PAK5: variants seen among roughly 807,000 people sequenced by gnomAD.
PAK5 encodes the protein p21 (RAC1) activated kinase 5.
A neutral mutation model predicts 65.9 loss-of-function variants in PAK5; 16 were observed. The ratio of observed to expected loss-of-function variants is 0.24; its 90% CI spans 0.16 to 0.37. The LOEUF is 0.37. Among genes scored for constraint, PAK5 ranks in the 10% least tolerant of loss-of-function variants. The pLI is 1.00. For missense variants in PAK5, 785 were observed against 903.9 expected, an observed-to-expected ratio of 0.87 and a Z score of 1.69; for synonymous variants, 371 against 354.9, an observed-to-expected ratio of 1.05 and a Z score of -0.51.
chr20:9,731,047 A>G (rs1387653333), intron 1 of PAK5, among the ~76,000 whole-genome samples: 1 of 152,170 alleles, frequency 6.6e-6, no homozygotes, highest in African/African-American at 2.4e-5. Flanking sequence ...GTATGTAGGG[A>G]CTGGGGGCTT....
chr20:9,825,331 G>T (rs1481318375), intron 1 of PAK5, among the ~76,000 whole-genome samples: 1 of 152,092 alleles, frequency 6.6e-6, no homozygotes, highest in Non-Finnish European at 1.5e-5. Flanking sequence ...TTTTAGTAAG[G>T]TACAGTGATA....
At position 9,537,890 on chromosome 20, in the gene PAK5, T is replaced by C. The variant is rs1486230392; in HGVS notation, c.*1572A>G. 1.3e-5 allele frequency: 3 copies of C among 229,186 alleles called. No individual in the cohort carries two copies. Among genetic ancestry groups the C allele is most frequent in the East Asian group, 1.3e-4 (2 of 15,806 alleles). 14.2% of individuals were successfully genotyped at this position (229,186 alleles called of 1,614,324 possible). ...TTATGCCTTTTTTCCTTTTTAGCAG[T>C]GATAAATAATTAGCAACCTATTAAT... On this transcript the variant is annotated 3_prime_UTR_variant, in exon 10 of 10. Transcript: ENST00000353224.
intron 4 of PAK5, among the ~76,000 whole-genome samples, chr20:9,576,455 A>G (rs2045886674): frequency 6.6e-6 from 1 of 152,060 alleles, no homozygotes; most frequent in African/African-American, 2.4e-5. Context: ...CTAGAGGGGA[A>G]CGGCCATGGA....
chr20:9,747,370 G>A (rs1301612509), intron 1 of PAK5, among the ~76,000 whole-genome samples: 6 of 151,964 alleles, frequency 3.9e-5, no homozygotes, highest in Non-Finnish European at 7.4e-5. Context: ...AAGCCGGGCA[G>A]AGACACAACC....
chr20:9,639,545 G>T (rs768831986), intron 3 of PAK5, among the ~76,000 whole-genome samples: 2 of 151,970 alleles, frequency 1.3e-5, no homozygotes, highest in Non-Finnish European at 2.9e-5. Context: ...TTCCCTCAGC[G>T]GCACAATTGT....
At position 9,587,881 on chromosome 20, in the gene PAK5, TAA is replaced by T. The variant is rs367966159; in HGVS notation, c.205-6953_205-6952del. ...TTATATGTATATACATACATATATATAAGTTGTATTAAATATGCATTTTATTA... is the reference window on the plus strand; with the variant it reads ...TTATATGTATATACATACATATATATGTTGTATTAAATATGCATTTTATTA... On this transcript the variant is annotated intron_variant, in intron 3 of 9. Transcript: ENST00000353224. Among the ~76,000 whole-genome samples, 50 of 152,292 alleles carry T rather than the reference TAA, an allele frequency of 3.3e-4. 1 individual carries two copies. In the East Asian group the frequency reaches 9.1e-3, roughly 28 times the overall value.
chr20:9,819,667 G>A (rs930576457), intron 1 of PAK5, among the ~76,000 whole-genome samples: 1 of 152,026 alleles, frequency 6.6e-6, no homozygotes, highest in South Asian at 2.1e-4. Context: ...TGTCAAGGTG[G>A]TTTGGGAGAA....
At chr20:9,573,490 AT>A (rs533482413) in intron 4 of PAK5, among the ~76,000 whole-genome samples, 153 of 152,326 alleles carry the variant, frequency 1.0e-3, no homozygotes, top group African/African-American at 3.7e-3. Context: ...GTCAGCCAGA[AT>A]TCCCCTGATC....
At chr20:9,736,001 A>AC (rs2048385049) in intron 1 of PAK5, among the ~76,000 whole-genome samples, 1 of 151,104 alleles carries the variant, frequency 6.6e-6, no homozygotes, top group Non-Finnish European at 1.5e-5. Flanking sequence ...TCCCAGGTTC[A>AC]AGTGATTCTC....
chr20:9,609,088 T>C (rs1232087845), intron 3 of PAK5, among the ~76,000 whole-genome samples: 1 of 152,202 alleles, frequency 6.6e-6, no homozygotes. Flanking sequence ...CGCTTCTCTT[T>C]GCAGTCAGAC....
intron 1 of PAK5, among the ~76,000 whole-genome samples, chr20:9,810,126 C>A (rs570190287): frequency 1.7e-4 from 26 of 152,268 alleles, no homozygotes; most frequent in African/African-American, 5.3e-4. Flanking sequence ...TGGTTCCCAA[C>A]CTCCTCTGCT....
intron 3 of PAK5, among the ~76,000 whole-genome samples, chr20:9,637,236 C>G (rs2046993843): frequency 6.6e-6 from 1 of 152,100 alleles, no homozygotes; most frequent in South Asian, 2.1e-4. Flanking sequence ...TCTCAAACTC[C>G]TGAACTCAAG....
At chr20:9,593,415 AC>A (rs2046208199) in intron 3 of PAK5, among the ~76,000 whole-genome samples, 1 of 152,140 alleles carries the variant, frequency 6.6e-6, no homozygotes, top group Non-Finnish European at 1.5e-5. Flanking sequence ...TTACCCAGAG[AC>A]ACCTGCAAGT....
chr20:9,580,347 T>C lies in PAK5; in HGVS notation c.788A>G (p.Asp263Gly), dbSNP rs1169379701. The C allele has an allele frequency of 6.2e-7, 1 of 1,614,144 alleles. No individual in the cohort carries two copies. Among genetic ancestry groups the C allele is most frequent in the South Asian group, 1.1e-5 (1 of 91,082 alleles). The change falls in exon 4 of 10, where the codon GAC becomes GGC. Residue 263 changes from aspartate (D) to glycine (G), a missense_variant. Physicochemically the swap from Asp to Gly is moderately conservative, Grantham distance 94. Coordinates refer to ENST00000353224, the MANE Select transcript of PAK5 (RefSeq NM_177990.4). ...CGAAGACTTTGGCCTCCTGTCATAGTCATCCAGGCTGGGTCCCCATTCACT... is the reference window on the plus strand; with the variant it reads ...CGAAGACTTTGGCCTCCTGTCATAGCCATCCAGGCTGGGTCCCCATTCACT... ...SESEWGPSLD[D>G]YDRRPKSSYL... is the part of the protein sequence containing the mutation.
chr20:9,775,481 C>T (rs935287316), intron 1 of PAK5, among the ~76,000 whole-genome samples: 1 of 152,196 alleles, frequency 6.6e-6, no homozygotes, highest in Non-Finnish European at 1.5e-5. Context: ...AAAAATGGTG[C>T]AACTACAGAT....
chr20:9,566,886 A>C (rs1424541429), intron 4 of PAK5, among the ~76,000 whole-genome samples: 2 of 152,132 alleles, frequency 1.3e-5, no homozygotes, highest in Non-Finnish European at 2.9e-5. Flanking sequence ...ATAAGTACAA[A>C]TATAATTGAG....
chr20:9,682,293 C>T (rs2047660764), intron 2 of PAK5, among the ~76,000 whole-genome samples: 1 of 152,050 alleles, frequency 6.6e-6, no homozygotes, highest in Non-Finnish European at 1.5e-5. Context: ...GGAGGCAGAG[C>T]TTGCAGTGAG....
At chr20:9,576,554 C>A (rs905238636) in intron 4 of PAK5, among the ~76,000 whole-genome samples, 2 of 152,106 alleles carry the variant, frequency 1.3e-5, no homozygotes, top group African/African-American at 2.4e-5. Flanking sequence ...AGGTGGTGGA[C>A]CCTGCTACAG....
At position 9,593,812 on chromosome 20, in the gene PAK5, CTCTCTCTCTCTCTT is replaced by C. The variant is rs1302124031; in HGVS notation, c.205-12896_205-12883del. Among the ~76,000 whole-genome samples the C allele has an allele frequency of 3.9e-5, 6 of 152,228 alleles. No individual in the cohort carries two copies. In the East Asian group the frequency reaches 1.2e-3, roughly 29 times the overall value. On this transcript the variant is annotated intron_variant, in intron 3 of 9. Transcript: ENST00000353224. Reference sequence around the variant, plus strand: ...TGAGACATTTATCCCAAGGATCTCTCTCTCTCTCTCTCTTTCTCTCTCTCTCTCTCTCTCCCCCT... The same window carrying C: ...TGAGACATTTATCCCAAGGATCTCTCTCTCTCTCTCTCTCTCTCTCCCCCT...
Sources: allele counts gnomAD v4.1 joint callset (sites outside exome capture counted in the v4.1 genomes callset), GRCh38; gene constraint gnomAD v4.1.1; transcripts MANE v1.5; gene names NCBI Gene and HGNC (gene_info 2026-07-23, HGNC 2026-07-21).